Variants in SLC39A11 observed in about 807,000 individuals in gnomAD.
SLC39A11 encodes the protein solute carrier family 39 member 11, also known as zinc transporter ZIP11.
Under a neutral mutation model 36.1 loss-of-function variants are expected in SLC39A11, and 33 were observed. The ratio of observed to expected loss-of-function variants is 0.91; its 90% confidence interval spans 0.69 to 1.22. The LOEUF is 1.22. SLC39A11 is among the 50% of genes most tolerant of loss of function. SLC39A11 has a pLI of 0.00. For missense variants in SLC39A11, 432 were observed against 430.3 expected (o/e 1.00, Z -0.03); for synonymous variants, 166 against 170.3 (o/e 0.97, Z 0.20).
At chr17:72,954,637 C>T (rs945419182) in intron 4 of SLC39A11, among the ~76,000 whole-genome samples, 6 of 152,196 alleles carry the variant, frequency 3.9e-5, no homozygotes, top group Non-Finnish European at 8.8e-5. Context: ...GAGAAGTTGC[C>T]ATAATAATGA....
intron 4 of SLC39A11, among the ~76,000 whole-genome samples, chr17:73,008,311 A>G (rs1455411626): frequency 1.3e-5 from 2 of 152,108 alleles, no homozygotes; most frequent in African/African-American, 2.4e-5. Context: ...CATATTTTTA[A>G]TAAGATTATT....
intron 7 of SLC39A11, among the ~76,000 whole-genome samples, chr17:72,702,770 C>G (rs1276624852): frequency 6.6e-6 from 1 of 151,752 alleles, no homozygotes; most frequent in African/African-American, 2.4e-5. Context: ...AACTCCGTCT[C>G]TACTAAAAAT....
rs1280698403 is a variant in SLC39A11, at chr17:72,828,369, A to C, written c.601+21265T>G. Among the ~76,000 whole-genome samples, 3 of 152,224 alleles carry C rather than the reference A, an allele frequency of 2.0e-5. No individual in the cohort carries two copies. The East Asian group carries it at 5.8e-4, about 29-fold the overall frequency. On this transcript the variant is annotated intron_variant, in intron 6 of 9. Coordinates refer to ENST00000255559, the MANE Select transcript of SLC39A11 (RefSeq NM_139177.4). ...ATTCAACTGGGCATTGCAGGGGAAA[A>C]GGGGACCATGAGCCAGGAAAGGCAG...
chr17:72,976,744 G>T (rs777045689), intron 4 of SLC39A11, among the ~76,000 whole-genome samples: 2 of 152,040 alleles, frequency 1.3e-5, no homozygotes, highest in East Asian at 3.9e-4. Context: ...CAGCTCCTCG[G>T]GAGGCTGAGG....
chr17:73,017,640 G>T (rs2058211283), intron 4 of SLC39A11, among the ~76,000 whole-genome samples: 1 of 152,150 alleles, frequency 6.6e-6, no homozygotes, highest in South Asian at 2.1e-4. Context: ...TTGAACCTGG[G>T]AGGCGGAGGT....
At chr17:72,681,491 A>G (rs2071507647) in intron 7 of SLC39A11, among the ~76,000 whole-genome samples, 1 of 152,188 alleles carries the variant, frequency 6.6e-6, no homozygotes, top group South Asian at 2.1e-4. Flanking sequence ...GGCAGGGGGA[A>G]GGAGAGAAGT....
At chr17:73,020,680 C>CTTTTTTTTTTTTT (rs71154945) in intron 4 of SLC39A11, among the ~76,000 whole-genome samples, 1 of 98,890 alleles carries the variant, frequency 1.0e-5, no homozygotes, top group Non-Finnish European at 1.9e-5. Flanking sequence ...TTGTTTCTTT[C>CTTTTTTTTTTTTT]TTTTTTTTTT....
chr17:73,031,517 G>T (rs2058737341), intron 4 of SLC39A11, 39 bp downstream of exon 4: 5 of 1,608,784 alleles, frequency 3.1e-6, no homozygotes, highest in Non-Finnish European at 4.3e-6. Context: ...AGAGCTGGTT[G>T]TATCCCGATA....
At chr17:72,725,171 C>T (rs976617919) in intron 7 of SLC39A11, among the ~76,000 whole-genome samples, 1 of 152,208 alleles carries the variant, frequency 6.6e-6, no homozygotes, top group African/African-American at 2.4e-5. Flanking sequence ...ATGTCACCCT[C>T]TCCCCTCCAA....
intron 6 of SLC39A11, among the ~76,000 whole-genome samples, chr17:72,744,854 T>G (rs2074864034): frequency 6.6e-6 from 1 of 152,158 alleles, no homozygotes; most frequent in Non-Finnish European, 1.5e-5. Flanking sequence ...CTTTTCTTTT[T>G]TATTTGAGAT....
At chr17:72,775,570 C>T (rs915909996) in intron 6 of SLC39A11, among the ~76,000 whole-genome samples, 12 of 152,046 alleles carry the variant, frequency 7.9e-5, no homozygotes, top group Admixed American at 6.6e-5. Context: ...CTGCATGCTG[C>T]GAGACAATCT....
At chr17:72,741,200 T>C (rs1190359627) in intron 6 of SLC39A11, among the ~76,000 whole-genome samples, 1 of 152,192 alleles carries the variant, frequency 6.6e-6, no homozygotes, top group African/African-American at 2.4e-5. Flanking sequence ...TGACTTAATA[T>C]ATCGTTTACA....
intron 7 of SLC39A11, among the ~76,000 whole-genome samples, chr17:72,722,302 G>C (rs1402364666): frequency 6.6e-6 from 1 of 152,124 alleles, no homozygotes; most frequent in Non-Finnish European, 1.5e-5. Flanking sequence ...AAAGTCAAGG[G>C]AACACATTTT....
intron 6 of SLC39A11, among the ~76,000 whole-genome samples, chr17:72,821,033 T>C (rs191649483): frequency 3.9e-4 from 59 of 151,244 alleles, no homozygotes; most frequent in Admixed American, 1.6e-3. Flanking sequence ...TGGAGGGTGT[T>C]GCAGATTGAA....
At chr17:72,851,651 C>T (rs1652047998) in intron 5 of SLC39A11, among the ~76,000 whole-genome samples, 1 of 152,178 alleles carries the variant, frequency 6.6e-6, no homozygotes, top group Non-Finnish European at 1.5e-5. Flanking sequence ...CTCAGTCAAT[C>T]ACAAGCGGCT....
At chr17:72,957,003 T>C (rs2086280204) in intron 4 of SLC39A11, among the ~76,000 whole-genome samples, 1 of 152,096 alleles carries the variant, frequency 6.6e-6, no homozygotes, top group East Asian at 1.9e-4. Flanking sequence ...TGGTCTAAGA[T>C]GGCACATGCA....
chr17:72,921,366 A>G (rs2083660350), intron 5 of SLC39A11, among the ~76,000 whole-genome samples: 1 of 152,202 alleles, frequency 6.6e-6, no homozygotes, highest in Admixed American at 6.5e-5. Flanking sequence ...AGTGAATGGG[A>G]CTAGTAGGGT....
intron 5 of SLC39A11, among the ~76,000 whole-genome samples, chr17:72,909,894 C>A (rs552064420): frequency 6.6e-6 from 1 of 151,908 alleles, no homozygotes; most frequent in Non-Finnish European, 1.5e-5. Flanking sequence ...TCCAGGCGCC[C>A]GCCATTACGC....
At chr17:72,937,733 C>A (rs2084861343) in intron 5 of SLC39A11, among the ~76,000 whole-genome samples, 1 of 152,186 alleles carries the variant, frequency 6.6e-6, no homozygotes, top group South Asian at 2.1e-4. Flanking sequence ...TACGACAGGG[C>A]CTTCCCTACT....
Sources: allele counts gnomAD v4.1 joint callset (sites outside exome capture counted in the v4.1 genomes callset), GRCh38; gene constraint gnomAD v4.1.1; transcripts MANE v1.5; gene names NCBI Gene and HGNC (gene_info 2026-07-23, HGNC 2026-07-21).